Variants in PDE3B observed in about 807,000 individuals in gnomAD.
The protein encoded by PDE3B is cGMP-inhibited 3',5'-cyclic phosphodiesterase 3B.
In PDE3B, 66 loss-of-function variants were observed where a neutral mutation model predicts 116.8. The ratio of observed to expected loss-of-function variants is 0.56; its 90% CI spans 0.46 to 0.69. The LOEUF is 0.69. Ranked by LOEUF, PDE3B falls within the 30% of genes least tolerant of loss-of-function variation. PDE3B has a pLI of 0.00. For synonymous variants in PDE3B, 595 were observed against 533.6 expected, an observed-to-expected ratio of 1.12 and a Z score of -1.59; for missense variants, 1,384 against 1,368.1, an observed-to-expected ratio of 1.01 and a Z score of -0.18.
chr11:14,755,403 T>G (rs1311547486), intron 1 of PDE3B, among the ~76,000 whole-genome samples: 2 of 152,224 alleles, frequency 1.3e-5, no homozygotes, highest in African/African-American at 4.8e-5. Context: ...ATTTACAGTG[T>G]AATGACCTGC....
At chr11:14,725,346 TTTC>T (rs1856268144) in intron 1 of PDE3B, among the ~76,000 whole-genome samples, 1 of 151,406 alleles carries the variant, frequency 6.6e-6, no homozygotes, top group Non-Finnish European at 1.5e-5. Context: ...TCTTTCTTTC[TTTC>T]TTCTTTCTCC....
At chr11:14,819,900 T>G (rs1361000952) in intron 7 of PDE3B, among the ~76,000 whole-genome samples, 2 of 151,982 alleles carry the variant, frequency 1.3e-5, no homozygotes, top group South Asian at 4.2e-4. Context: ...CAATGACTGA[T>G]AGGATGAGCA....
chr11:14,706,221 T>C (rs1855530313), intron 1 of PDE3B, among the ~76,000 whole-genome samples: 1 of 151,854 alleles, frequency 6.6e-6, no homozygotes. Context: ...GTTGAATTTG[T>C]ACACTGATCT....
At chr11:14,646,896 T>C (rs1853424116) in intron 1 of PDE3B, among the ~76,000 whole-genome samples, 1 of 152,096 alleles carries the variant, frequency 6.6e-6, no homozygotes, top group Non-Finnish European at 1.5e-5. Context: ...TTATTCACAT[T>C]CTACTTCTAA....
At chr11:14,695,185 TTTTA>T (rs1855167184) in intron 1 of PDE3B, among the ~76,000 whole-genome samples, 1 of 151,942 alleles carries the variant, frequency 6.6e-6, no homozygotes, top group African/African-American at 2.4e-5. Flanking sequence ...GGCAAAACAA[TTTTA>T]TTTATTTATG....
intron 1 of PDE3B, among the ~76,000 whole-genome samples, chr11:14,661,247 T>C (rs1853895622): frequency 6.6e-6 from 1 of 152,210 alleles, no homozygotes; most frequent in Non-Finnish European, 1.5e-5. Context: ...GTATTCACAA[T>C]AGCAAAGACT....
intron 5 of PDE3B, among the ~76,000 whole-genome samples, chr11:14,809,054 T>C (rs1442202378): frequency 2.0e-5 from 3 of 152,130 alleles, no homozygotes; most frequent in Non-Finnish European, 2.9e-5. Flanking sequence ...AACAGTTCTT[T>C]AATAAAAAAG....
At chr11:14,847,198 G>A (rs1418971829) in intron 12 of PDE3B, among the ~76,000 whole-genome samples, 3 of 151,972 alleles carry the variant, frequency 2.0e-5, no homozygotes, top group African/African-American at 4.8e-5. Context: ...ACTCAAAACC[G>A]CTCAACTACA....
chr11:14,718,107 C>T (rs1355313135), intron 1 of PDE3B, among the ~76,000 whole-genome samples: 1 of 145,286 alleles, frequency 6.9e-6, no homozygotes, highest in Non-Finnish European at 1.5e-5. Flanking sequence ...CAAAAAAAGG[C>T]AGGGGTTGCA....
intron 12 of PDE3B, among the ~76,000 whole-genome samples, chr11:14,846,692 A>C (rs1193757827): frequency 7.9e-5 from 12 of 152,300 alleles, no homozygotes; most frequent in African/African-American, 9.6e-5. Context: ...TTGCAATTCT[A>C]GTCTCTGATA....
intron 4 of PDE3B, among the ~76,000 whole-genome samples, chr11:14,796,615 A>T (rs1858562686): frequency 2.0e-5 from 3 of 152,190 alleles, no homozygotes. Context: ...TTCTGTAAGG[A>T]CCAGTGATAA....
intron 2 of PDE3B, among the ~76,000 whole-genome samples, chr11:14,783,847 A>G (rs956768682): frequency 7.2e-5 from 11 of 152,204 alleles, no homozygotes; most frequent in Non-Finnish European, 1.6e-4. Flanking sequence ...CTTGCAAGAA[A>G]GACAAAAGGA....
rs369951249 is a variant in PDE3B at position 14,671,954 on chromosome 11, C to T, written c.978+26901C>T. ...GAGGTGGGAGGCTAGGAATTTGAGG[C>T]TGCAGTGAGCTGTGATTGTGGTACT... On this transcript the variant is annotated intron_variant, in intron 1 of 15. Transcript: ENST00000282096. Among the ~76,000 whole-genome samples the T allele has an allele frequency of 6.0e-5, 9 of 149,408 alleles. No individual in the cohort carries two copies. The South Asian group carries it at 1.1e-3, about 18-fold the overall frequency.
intron 1 of PDE3B, among the ~76,000 whole-genome samples, chr11:14,677,433 A>ATTT (rs1854562445): frequency 6.6e-6 from 1 of 152,202 alleles, no homozygotes; most frequent in East Asian, 1.9e-4. Context: ...ATATGTAATG[A>ATTT]TATCTTTCTA....
At chr11:14,671,747 G>T (rs1448550749) in intron 1 of PDE3B, among the ~76,000 whole-genome samples, 1 of 151,718 alleles carries the variant, frequency 6.6e-6, no homozygotes, top group Non-Finnish European at 1.5e-5. Context: ...TATTTTATAG[G>T]CCAGGCATGG....
intron 2 of PDE3B, among the ~76,000 whole-genome samples, chr11:14,778,047 C>A (rs966995206): frequency 6.6e-6 from 1 of 152,184 alleles, no homozygotes; most frequent in African/African-American, 2.4e-5. Flanking sequence ...GGGTTCCACA[C>A]CCACGGAACC....
chr11:14,793,412 G>C (rs557896226), intron 4 of PDE3B, among the ~76,000 whole-genome samples: 1 of 152,178 alleles, frequency 6.6e-6, no homozygotes, highest in South Asian at 2.1e-4. Flanking sequence ...ACAAAGTTTT[G>C]ACTATATTTT....
intron 1 of PDE3B, chr11:14,673,660 C>G (rs1854442673): frequency 2.8e-6 from 2 of 702,210 alleles, no homozygotes; most frequent in Admixed American, 3.6e-5. Flanking sequence ...GAATTCTTTG[C>G]CAGGTACTTC....
downstream of PDE3B, among the ~76,000 whole-genome samples, chr11:14,876,939 C>T (rs1243644549): frequency 1.3e-5 from 2 of 152,062 alleles, no homozygotes; most frequent in Non-Finnish European, 2.9e-5. Flanking sequence ...TGAATATATC[C>T]AAGATGCAAA....
Sources: gnomAD v4.1 joint callset for allele counts (sites outside exome capture counted in the v4.1 genomes callset) on GRCh38, gnomAD v4.1.1 for gene constraint, MANE v1.5 for transcripts, NCBI Gene and HGNC (gene_info 2026-07-23, HGNC 2026-07-21) for gene names.